The following ZFAND4 variants were observed in gnomAD, a reference collection of about 807,000 sequenced individuals.
ZFAND4 encodes zinc finger AN1-type containing 4, also known as AN1-type zinc finger protein 4.
A neutral mutation model predicts 64.4 loss-of-function variants in ZFAND4; 43 were observed. The ratio of observed to expected loss-of-function variants is 0.67; its 90% CI spans 0.52 to 0.86. ZFAND4 has a LOEUF of 0.86. Ranked by LOEUF, ZFAND4 falls within the 40% of genes least tolerant of loss-of-function variation. The pLI is 0.00. For synonymous variants in ZFAND4, 296 were observed against 305.7 expected, an observed-to-expected ratio of 0.97 and a Z score of 0.33; for missense variants, 929 against 859.8, an observed-to-expected ratio of 1.08 and a Z score of -1.01.
chr10:45,616,964 G>A (rs1443389410), intron 9 of ZFAND4, among the ~76,000 whole-genome samples: 3 of 151,872 alleles, frequency 2.0e-5, no homozygotes, highest in Non-Finnish European at 4.4e-5. Context: ...CTATAGTCCA[G>A]CTACTCGGGA....
At position 45,649,027 on chromosome 10, in the gene ZFAND4, G is replaced by A. The variant is rs1180670839; in HGVS notation, c.329-493C>T. The A allele has an allele frequency of 5.0e-6, 4 of 802,410 alleles. No homozygotes were observed. The African/African-American group carries it at 5.6e-5, about 11-fold the overall frequency. 49.7% of individuals were successfully genotyped at this position (802,410 alleles called of 1,614,324 possible). On this transcript the variant is annotated intron_variant, in intron 4 of 9. Transcript: ENST00000344646. ...CTCATGCCTGTAATCCCAGCACTTT[G>A]GGAGGCCGAGGCGGGCAGATCATGA...
chr10:45,668,509 C>A (rs914651942), intron 1 of ZFAND4, among the ~76,000 whole-genome samples: 1 of 152,200 alleles, frequency 6.6e-6, no homozygotes, highest in African/African-American at 2.4e-5. Flanking sequence ...ATCATAAAGA[C>A]AGGATCAAAT....
chr10:45,668,907 A>T (rs1589456370), intron 1 of ZFAND4, among the ~76,000 whole-genome samples: 1 of 152,390 alleles, frequency 6.6e-6, no homozygotes, highest in African/African-American at 2.4e-5. Flanking sequence ...CAGTGTGTAC[A>T]GGGAAATTTA....
rs1364962283 is a variant in ZFAND4 at position 45,615,838 on chromosome 10, A to T, written c.*598T>A. On this transcript the variant is annotated 3_prime_UTR_variant, in exon 10 of 10. Transcript: ENST00000344646. ...GGATTCATGTCCGAATACTAATCTG[A>T]ATGTGGAAGAAATGTATTATCTGTT... 1 of 152,202 alleles carries T rather than the reference A, an allele frequency of 6.6e-6. No homozygotes were observed. The highest frequency in any genetic ancestry group is 1.5e-5 in the Non-Finnish European group (1 of 68,038). The allele number at this position is 152,202 out of a possible 1,614,324, so 9.4% of individuals were successfully genotyped here. A position where few individuals can be genotyped will look rare whatever the true frequency, so the allele number is the denominator to read the frequency against.
chr10:45,636,015 C>G (rs978073270), intron 6 of ZFAND4, among the ~76,000 whole-genome samples: 8 of 152,002 alleles, frequency 5.3e-5, no homozygotes, highest in African/African-American at 1.9e-4. Flanking sequence ...AAATTTCTCT[C>G]ATGAATGAAA....
At chr10:45,649,183 C>CAT (rs2047597216) in intron 4 of ZFAND4, 1 of 149,920 alleles carries the variant, frequency 6.7e-6, no homozygotes, top group East Asian at 2.0e-4. Context: ...AGTACACACA[C>CAT]ACACACAATT....
At chr10:45,617,878 A>G (rs976113965) in intron 9 of ZFAND4, 1 of 185,436 alleles carries the variant, frequency 5.4e-6, no homozygotes, top group Admixed American at 6.1e-5. Flanking sequence ...CAGGTTCATC[A>G]TAAGACGAAA....
chr10:45,660,857 A>C (rs1328449523), intron 2 of ZFAND4, among the ~76,000 whole-genome samples: 1 of 152,224 alleles, frequency 6.6e-6, no homozygotes, highest in African/African-American at 2.4e-5. Flanking sequence ...ACTTTTTCAG[A>C]CAAACAAGAA....
chr10:45,669,297 C>T (rs1011331021), intron 1 of ZFAND4, among the ~76,000 whole-genome samples: 2 of 152,140 alleles, frequency 1.3e-5, no homozygotes, highest in Non-Finnish European at 2.9e-5. Context: ...TTGATAAATT[C>T]CTGGACACAT....
Position 45,639,868 on chromosome 10 carries a change from T to A in ZFAND4, c.665A>T (p.Asn222Ile), listed in dbSNP as rs201853061. 2.7e-5 allele frequency: 43 copies of A among 1,613,356 alleles called. No homozygotes were observed. The highest frequency in any genetic ancestry group is 3.6e-5 in the Non-Finnish European group (43 of 1,179,902). Residue 222 changes from asparagine to isoleucine, a missense_variant, in exon 6 of 10, where the codon AAT becomes ATT. Physicochemically the swap from Asn to Ile is moderately radical, Grantham distance 149. Transcript: ENST00000344646. ...CTTAGCCTTCAGCAGCTTCATCTTATTCATAGTTATTGAATTTTCAATTAT... is the reference window on the plus strand; with the variant it reads ...CTTAGCCTTCAGCAGCTTCATCTTAATCATAGTTATTGAATTTTCAATTAT... ...QQIIENSITMNKMKLLKAKMK... is the reference protein window; with the variant it reads ...QQIIENSITMIKMKLLKAKMK...
intron 8 of ZFAND4, among the ~76,000 whole-genome samples, chr10:45,623,696 A>G (rs1383084581): frequency 6.6e-5 from 10 of 152,284 alleles, no homozygotes; most frequent in Middle Eastern, 6.8e-3. Flanking sequence ...GTTCTAGAGA[A>G]AGGTGGTGGT....
In ZFAND4 at chr10:45,616,320, A is replaced by G; in HGVS notation, c.*116T>C. ...CTTGTTCTCCAACAGTATGCATTGTATGCTTTTGTTATTTGGCAAATCTTT... is the reference window on the plus strand; with the variant it reads ...CTTGTTCTCCAACAGTATGCATTGTGTGCTTTTGTTATTTGGCAAATCTTT... On this transcript the variant is annotated 3_prime_UTR_variant, in exon 10 of 10. Coordinates refer to ENST00000344646, the MANE Select transcript of ZFAND4 (RefSeq NM_174890.4). 2 of 1,362,030 alleles carry G rather than the reference A, an allele frequency of 1.5e-6. No individual in the cohort carries two copies. Among genetic ancestry groups the G allele is most frequent in the South Asian group, 2.8e-5 (2 of 70,252 alleles). 84.4% of individuals were successfully genotyped at this position (1,362,030 alleles called of 1,614,324 possible).
chr10:45,666,903 T>C (rs1252606415), intron 1 of ZFAND4, among the ~76,000 whole-genome samples: 1 of 152,236 alleles, frequency 6.6e-6, no homozygotes, highest in East Asian at 1.9e-4. Flanking sequence ...AATGTAGCTT[T>C]GTAGTAAGTT....
In ZFAND4 at chr10:45,635,203, A is replaced by C. The variant is rs1311715043; in HGVS notation, c.717+4613T>G. ...AGTCAAAGCCATCTAAGCAAAAAAA[A>C]AAAAAAAAAACAAAAAAAAAACAAA... On this transcript the variant is annotated intron_variant, in intron 6 of 9. Coordinates refer to ENST00000344646, the MANE Select transcript of ZFAND4 (RefSeq NM_174890.4). Among the ~76,000 whole-genome samples, 206 of 146,004 alleles carry C rather than the reference A, an allele frequency of 1.4e-3. 1 individual carries two copies. The highest frequency in any genetic ancestry group is 2.3e-3 in the Admixed American group (34 of 14,766).
intron 4 of ZFAND4, 123 bp downstream of exon 4, chr10:45,651,843 A>T: frequency 1.2e-6 from 1 of 844,908 alleles, no homozygotes; most frequent in Non-Finnish European, 1.9e-6. Context: ...CTAGAGAATC[A>T]AATGTGATTT....
intron 8 of ZFAND4, among the ~76,000 whole-genome samples, chr10:45,622,151 A>G (rs1289354678): frequency 6.6e-6 from 1 of 152,228 alleles, no homozygotes; most frequent in Non-Finnish European, 1.5e-5. Flanking sequence ...CTGGCATAAA[A>G]CAGACACATA....
intron 1 of ZFAND4, among the ~76,000 whole-genome samples, chr10:45,665,648 A>G (rs1471717828): frequency 6.6e-6 from 1 of 152,186 alleles, no homozygotes; most frequent in Non-Finnish European, 1.5e-5. Flanking sequence ...GAGTTGTGCA[A>G]CAATCACCAC....
At chr10:45,651,567 C>T (rs151272269) in intron 4 of ZFAND4, 1 of 471,724 alleles carries the variant, frequency 2.1e-6, no homozygotes, top group Admixed American at 2.3e-5. Context: ...CATCACAAAC[C>T]AGGTAAACAG....
intron 1 of ZFAND4, among the ~76,000 whole-genome samples, chr10:45,669,088 C>CA (rs1460612774): frequency 3.9e-5 from 6 of 151,976 alleles, no homozygotes; most frequent in East Asian, 3.9e-4. Context: ...AAAATCCCTT[C>CA]AAAAAATCAA....
Sources: allele counts gnomAD v4.1 joint callset (sites outside exome capture counted in the v4.1 genomes callset), GRCh38; gene constraint gnomAD v4.1.1; transcripts MANE v1.5; gene names NCBI Gene and HGNC (gene_info 2026-07-23, HGNC 2026-07-21).